Variants in COMT observed in about 807,000 individuals in gnomAD.
COMT encodes catechol-O-methyltransferase, also known as catechol O-methyltransferase.
In COMT, 13 loss-of-function variants were observed where a neutral mutation model predicts 18.9. That is an observed-to-expected ratio of 0.69 (90% CI 0.45 to 1.09). COMT has a LOEUF of 1.09. COMT is among the 50% of genes least tolerant of loss of function. The pLI, the probability that COMT is intolerant of heterozygous loss-of-function variation, is 0.00. For missense variants in COMT, 329 were observed against 361.8 expected, an observed-to-expected ratio of 0.91 and a Z score of 0.73; for synonymous variants, 150 against 160.9, an observed-to-expected ratio of 0.93 and a Z score of 0.51.
In COMT at chr22:19,963,693, C is replaced by G. The variant is rs141726378; in HGVS notation, c.417C>G (p.Ile139Met). 1.9e-6 allele frequency: 3 copies of G among 1,612,984 alleles called. No individual in the cohort carries two copies. Among genetic ancestry groups the G allele is most frequent in the Non-Finnish European group, 2.5e-6 (3 of 1,180,000 alleles). The change falls in exon 4 of 6, where the codon ATC becomes ATG. Residue 139 changes from isoleucine to methionine, a missense_variant. Physicochemically the swap from Ile to Met is conservative, Grantham distance 10. Coordinates refer to ENST00000361682, the MANE Select transcript of COMT (RefSeq NM_000754.4). ...LLSPGARLITIEINPDCAAIT... is the reference protein window; with the variant it reads ...LLSPGARLITMEINPDCAAIT... ...CACCAGGGGCGAGGCTCATCACCAT[C>G]GAGATCAACCCCGACTGTGCCGCCA... is the stretch of plus-strand genomic sequence containing the variant.
chr22:19,954,805 G>A (rs1202365615), intron 1 of COMT, among the ~76,000 whole-genome samples: 4 of 152,148 alleles, frequency 2.6e-5, no homozygotes, highest in Admixed American at 6.5e-5. Context: ...TAGGCCCCTC[G>A]CAGGGTGCCC....
rs767066477 is a variant in COMT, at chr22:19,941,826, C to G, written c.-163C>G. 1.3e-6 allele frequency: 2 copies of G among 1,511,008 alleles called. No homozygotes were observed. Among genetic ancestry groups the G allele is most frequent in the African/African-American group, 1.4e-5 (1 of 69,250 alleles). 93.6% of individuals were successfully genotyped at this position (1,511,008 alleles called of 1,614,324 possible). On this transcript the variant is annotated 5_prime_UTR_variant, in exon 1 of 6. Coordinates refer to ENST00000361682, the MANE Select transcript of COMT (RefSeq NM_000754.4). Reference sequence around the variant, plus strand: ...CATCGTCGTGGGGCTTCTGGGGCAGCTAGGGCTGCCCGCCGCGCTGCCTGC... The same window carrying G: ...CATCGTCGTGGGGCTTCTGGGGCAGGTAGGGCTGCCCGCCGCGCTGCCTGC...
intron 1 of COMT, among the ~76,000 whole-genome samples, chr22:19,950,216 T>C (rs1214333569): frequency 1.3e-5 from 2 of 150,132 alleles, no homozygotes; most frequent in African/African-American, 4.9e-5. Flanking sequence ...CTCTATTTTA[T>C]ATATTTTTTC....
In COMT at chr22:19,969,031, T is replaced by C. The variant is rs1245606831; in HGVS notation, c.*295T>C. On this transcript the variant is annotated 3_prime_UTR_variant, in exon 6 of 6. Transcript: ENST00000361682. Reference sequence around the variant, plus strand: ...AAGAATCTAAATATTTAGATATAACTCGACTTAGTACATCCTTCTCAACTG... The same window carrying C: ...AAGAATCTAAATATTTAGATATAACCCGACTTAGTACATCCTTCTCAACTG... 1 of 293,348 alleles carries C rather than the reference T, an allele frequency of 3.4e-6. No individual in the cohort carries two copies. Among genetic ancestry groups the C allele is most frequent in the Non-Finnish European group, 6.6e-6 (1 of 151,224 alleles). 18.2% of individuals were successfully genotyped at this position (293,348 alleles called of 1,614,324 possible). A position where few individuals can be genotyped will look rare whatever the true frequency, so the allele number is the denominator to read the frequency against.
chr22:19,955,025 T>C (rs1383655559), intron 1 of COMT, among the ~76,000 whole-genome samples: 1 of 152,092 alleles, frequency 6.6e-6, no homozygotes, highest in African/African-American at 2.4e-5. Flanking sequence ...TGTGGTGTTG[T>C]TTTAGAGACA....
intron 5 of COMT, among the ~76,000 whole-genome samples, chr22:19,968,272 A>G (rs1942532718): frequency 6.6e-6 from 1 of 152,146 alleles, no homozygotes; most frequent in Admixed American, 6.5e-5. Flanking sequence ...TGCTGTTCTA[A>G]GGGATGGATA....
At chr22:19,947,029 C>T (rs2146129740) in intron 1 of COMT, among the ~76,000 whole-genome samples, 1 of 151,064 alleles carries the variant, frequency 6.6e-6, no homozygotes, top group East Asian at 2.0e-4. Flanking sequence ...GATTCTCCTG[C>T]CTCAGCCCCC....
Position 19,963,693 on chromosome 22 carries a change from C to T in COMT, c.417C>T (p.Ile139=), listed in dbSNP as rs141726378. The T allele has an allele frequency of 7.4e-6, 12 of 1,612,866 alleles. No individual in the cohort carries two copies. Among genetic ancestry groups the T allele is most frequent in the African/African-American group, 2.7e-5 (2 of 74,938 alleles). Residue 139 remains isoleucine (I), a synonymous_variant, in exon 4 of 6, where the codon ATC becomes ATT. Transcript: ENST00000361682. ...LLSPGARLIT[I]EINPDCAAIT... Reference sequence around the variant, plus strand: ...CACCAGGGGCGAGGCTCATCACCATCGAGATCAACCCCGACTGTGCCGCCA... The same window carrying T: ...CACCAGGGGCGAGGCTCATCACCATTGAGATCAACCCCGACTGTGCCGCCA...
intron 1 of COMT, among the ~76,000 whole-genome samples, chr22:19,957,986 T>C (rs945540420): frequency 2.6e-5 from 4 of 152,220 alleles, no homozygotes; most frequent in African/African-American, 9.7e-5. Context: ...CCATTGTGGA[T>C]GATGTTGCTA....
At chr22:19,967,628 G>A (rs552765887) in intron 5 of COMT, 1 of 326,870 alleles carries the variant, frequency 3.1e-6, no homozygotes, top group Non-Finnish European at 6.0e-6. Flanking sequence ...AGAGGCATGT[G>A]GGGTCGGATA....
At chr22:19,963,791 A>T in intron 4 of COMT, 32 bp downstream of exon 4, 1 of 1,599,282 alleles carries the variant, frequency 6.3e-7, no homozygotes, top group Non-Finnish European at 8.5e-7. Flanking sequence ...TCAGACCTGG[A>T]AAAAGGGCCG....
chr22:19,968,580 C>T lies in COMT; in HGVS notation c.660C>T (p.Asn220=), dbSNP rs769932706. 2.8e-5 allele frequency: 45 copies of T among 1,613,978 alleles called. No homozygotes were observed. Among genetic ancestry groups the T allele is most frequent in the African/African-American group, 1.5e-4 (11 of 74,924 alleles). ...LRKGTVLLAD[N]VICPGAPDFL... ...AGGGGACAGTGCTACTGGCTGACAA[C>T]GTGATCTGCCCAGGTGCGCCAGACT... The change falls in exon 6 of 6, where the codon AAC becomes AAT. Residue 220 remains asparagine (N), a synonymous_variant. Transcript: ENST00000361682.
At chr22:19,943,079 G>A (rs1489938159) in intron 1 of COMT, among the ~76,000 whole-genome samples, 7 of 152,300 alleles carry the variant, frequency 4.6e-5, no homozygotes, top group Non-Finnish European at 1.0e-4. Flanking sequence ...GCTGTTAGGA[G>A]CTATGTTAGT....
chr22:19,956,249 C>G (rs891510970), intron 1 of COMT, among the ~76,000 whole-genome samples: 123 of 136,856 alleles, frequency 9.0e-4, no homozygotes, highest in African/African-American at 3.0e-3. Flanking sequence ...TCAAGTGATT[C>G]TCCTGCCTCA....
chr22:19,949,602 A>T (rs1356415501), intron 1 of COMT, among the ~76,000 whole-genome samples: 2 of 147,818 alleles, frequency 1.4e-5, no homozygotes, highest in African/African-American at 5.0e-5. Context: ...AGTAACCGGT[A>T]TTTTTTTTTT....
chr22:19,964,054 G>A, intron 4 of COMT, 114 bp from the exon 5 acceptor site: 1 of 1,596,612 alleles, frequency 6.3e-7, no homozygotes, highest in South Asian at 1.1e-5. Flanking sequence ...GTATGGGTGT[G>A]TAAAGATGGC....
At chr22:19,967,520 G>C (rs536946851) in intron 5 of COMT, 4 of 392,942 alleles carry the variant, frequency 1.0e-5, no homozygotes, top group South Asian at 7.8e-5. Flanking sequence ...ACTGTCACAT[G>C]AAAGCCCCCT....
intron 1 of COMT, among the ~76,000 whole-genome samples, chr22:19,958,843 G>A (rs1385282264): frequency 2.0e-5 from 3 of 151,782 alleles, no homozygotes; most frequent in Admixed American, 6.6e-5. Context: ...AGTGAGCTGC[G>A]ACCGCGCCAC....
intron 5 of COMT, chr22:19,967,046 T>G (rs1601539916): frequency 1.7e-6 from 2 of 1,209,166 alleles, no homozygotes. Flanking sequence ...GCAGGACAGG[T>G]GCTGCCTTCT....
Sources: allele counts gnomAD v4.1 joint callset (sites outside exome capture counted in the v4.1 genomes callset), GRCh38; gene constraint gnomAD v4.1.1; transcripts MANE v1.5; gene names NCBI Gene and HGNC (gene_info 2026-07-23, HGNC 2026-07-21).